SUCLG2: variants seen among roughly 807,000 people sequenced by gnomAD.
The protein encoded by SUCLG2 is succinate--CoA ligase [GDP-forming] subunit beta, mitochondrial.
SUCLG2 carries 42 observed loss-of-function variants against 47.9 expected under a neutral mutation model. That is an observed-to-expected ratio of 0.88 (90% confidence interval 0.69 to 1.14). SUCLG2 has a LOEUF of 1.14. Ranked by LOEUF, SUCLG2 falls within the 50% of genes most tolerant of loss-of-function variation. The pLI is 0.00. For missense variants in SUCLG2, 571 were observed against 525.9 expected, an observed-to-expected ratio of 1.09 and a Z score of -0.84; for synonymous variants, 195 against 197.3, an observed-to-expected ratio of 0.99 and a Z score of 0.10.
chr3:67,383,131 C>T (rs1702193527), intron 10 of SUCLG2, among the ~76,000 whole-genome samples: 1 of 152,336 alleles, frequency 6.6e-6, no homozygotes, highest in South Asian at 2.1e-4. Context: ...TAGCACCGTG[C>T]TTGGCAGCCA....
intron 9 of SUCLG2, among the ~76,000 whole-genome samples, chr3:67,452,123 GAAATAC>G (rs1704070771): frequency 6.6e-6 from 1 of 152,110 alleles, no homozygotes; most frequent in African/African-American, 2.4e-5. Flanking sequence ...CTCCTCTCCA[GAAATAC>G]AAATACAAAT....
chr3:67,436,014 T>C (rs1703610806), intron 9 of SUCLG2, among the ~76,000 whole-genome samples: 1 of 152,222 alleles, frequency 6.6e-6, no homozygotes, highest in South Asian at 2.1e-4. Flanking sequence ...GCAGTAAATT[T>C]GGTACTTGGG....
chr3:67,557,412 C>G (rs1208714857), intron 2 of SUCLG2, among the ~76,000 whole-genome samples: 5 of 152,068 alleles, frequency 3.3e-5, no homozygotes, highest in Admixed American at 3.3e-4. Flanking sequence ...TCCTGACCAC[C>G]AAGGTGAATA....
chr3:67,415,467 G>T (rs948724779), intron 9 of SUCLG2, among the ~76,000 whole-genome samples: 5 of 152,110 alleles, frequency 3.3e-5, no homozygotes, highest in African/African-American at 1.2e-4. Context: ...TATAAGGAAG[G>T]TAACTGCTTT....
intron 1 of SUCLG2, among the ~76,000 whole-genome samples, chr3:67,626,643 A>G (rs1400158760): frequency 2.6e-5 from 4 of 152,138 alleles, no homozygotes; most frequent in Non-Finnish European, 5.9e-5. Flanking sequence ...TGCCGGGTGC[A>G]GTTGCTCACG....
chr3:67,493,120 T>C (rs1354218186), intron 9 of SUCLG2, among the ~76,000 whole-genome samples: 1 of 152,192 alleles, frequency 6.6e-6, no homozygotes, highest in Non-Finnish European at 1.5e-5. Flanking sequence ...AACCTCTACT[T>C]TTGGGCAGGT....
At chr3:67,441,399 T>A (rs1703760717) in intron 9 of SUCLG2, among the ~76,000 whole-genome samples, 1 of 151,728 alleles carries the variant, frequency 6.6e-6, no homozygotes, top group East Asian at 1.9e-4. Context: ...TTCAGTGTTG[T>A]GTTGAGTCTC....
chr3:67,626,065 G>A (rs536120507), intron 1 of SUCLG2, among the ~76,000 whole-genome samples: 20 of 151,384 alleles, frequency 1.3e-4, no homozygotes, highest in Non-Finnish European at 2.2e-4. Flanking sequence ...TGTCGCCCAG[G>A]CTGGAGTGCA....
chr3:67,527,257 G>C (rs1706278482), intron 4 of SUCLG2, among the ~76,000 whole-genome samples: 1 of 152,242 alleles, frequency 6.6e-6, no homozygotes, highest in South Asian at 2.1e-4. Context: ...TGTCAACAGA[G>C]CAGACAGCTG....
chr3:67,526,374 C>T (rs866593779), intron 4 of SUCLG2, among the ~76,000 whole-genome samples: 7 of 152,144 alleles, frequency 4.6e-5, no homozygotes, highest in Admixed American at 3.3e-4. Context: ...TCCTGGGATG[C>T]CTGTGGCCTG....
intron 9 of SUCLG2, among the ~76,000 whole-genome samples, chr3:67,471,520 T>C (rs73104352): frequency 0.013 from 2,034 of 152,264 alleles, 24 homozygotes; most frequent in Non-Finnish European, 0.02. Context: ...TTCATTCTTC[T>C]ACAGTTACAG....
intron 9 of SUCLG2, among the ~76,000 whole-genome samples, chr3:67,461,680 G>C (rs528334589): frequency 6.6e-6 from 1 of 152,056 alleles, no homozygotes; most frequent in African/African-American, 2.4e-5. Flanking sequence ...CAGCATCCCT[G>C]ACCTCTTCCT....
intron 7 of SUCLG2, among the ~76,000 whole-genome samples, chr3:67,500,741 C>T (rs1013868394): frequency 6.6e-6 from 1 of 152,216 alleles, no homozygotes; most frequent in Non-Finnish European, 1.5e-5. Flanking sequence ...GGCAAGACTA[C>T]TTATAACTGA....
At chr3:67,493,413 A>G (rs905404336) in intron 9 of SUCLG2, among the ~76,000 whole-genome samples, 1 of 152,228 alleles carries the variant, frequency 6.6e-6, no homozygotes, top group Non-Finnish European at 1.5e-5. Flanking sequence ...AATCTCAAAA[A>G]AAGTTGAAAT....
chr3:67,425,777 A>C (rs1267953629), intron 9 of SUCLG2, among the ~76,000 whole-genome samples: 1 of 152,160 alleles, frequency 6.6e-6, no homozygotes, highest in Non-Finnish European at 1.5e-5. Flanking sequence ...ATCTCTTTAT[A>C]TCTCTTATTT....
At chr3:67,436,642 T>C (rs952346485) in intron 9 of SUCLG2, among the ~76,000 whole-genome samples, 1 of 152,168 alleles carries the variant, frequency 6.6e-6, no homozygotes, top group Non-Finnish European at 1.5e-5. Context: ...TCAATATTAT[T>C]ACTAGAAATT....
chr3:67,496,632 G>A (rs540228332), intron 8 of SUCLG2, among the ~76,000 whole-genome samples: 28 of 152,086 alleles, frequency 1.8e-4, no homozygotes, highest in Non-Finnish European at 3.8e-4. Context: ...CAACCCAACC[G>A]TTAAAACTGG....
intron 9 of SUCLG2, among the ~76,000 whole-genome samples, chr3:67,488,317 T>A (rs1009264150): frequency 6.6e-6 from 1 of 152,262 alleles, no homozygotes; most frequent in East Asian, 1.9e-4. Context: ...GTTGCTCGTT[T>A]AGGAATGAGA....
chr3:67,522,589 A>C (rs1393073698), intron 4 of SUCLG2, among the ~76,000 whole-genome samples: 2 of 152,036 alleles, frequency 1.3e-5, no homozygotes, highest in Non-Finnish European at 2.9e-5. Flanking sequence ...TGTTTAAAGA[A>C]TATAAAAACA....
Sources: allele counts gnomAD v4.1 joint callset (sites outside exome capture counted in the v4.1 genomes callset), GRCh38; gene constraint gnomAD v4.1.1; transcripts MANE v1.5; gene names NCBI Gene and HGNC (gene_info 2026-07-23, HGNC 2026-07-21).